TBCA: variants seen among roughly 807,000 people sequenced by gnomAD.
TBCA encodes the protein tubulin folding cofactor A, also known as tubulin-specific chaperone A.
A neutral mutation model predicts 15.8 loss-of-function variants in TBCA; 6 were observed. The ratio of observed to expected loss-of-function variants is 0.38; its 90% CI spans 0.21 to 0.75. The LOEUF (loss-of-function observed/expected upper bound fraction) is 0.75, where lower values mean the gene tolerates loss of function less well. TBCA is among the 30% of genes least tolerant of loss of function. The pLI is 0.46. For synonymous variants in TBCA, 32 were observed against 42.3 expected (o/e 0.76, Z 0.94); for missense variants, 90 against 131.2 (o/e 0.69, Z 1.53).
chr5:77,716,501 A>G (rs995011616), intron 1 of TBCA, among the ~76,000 whole-genome samples: 1 of 152,192 alleles, frequency 6.6e-6, no homozygotes, highest in African/African-American at 2.4e-5. Flanking sequence ...CAACAAACTG[A>G]CCACTTACTA....
intron 2 of TBCA, among the ~76,000 whole-genome samples, chr5:77,705,371 T>A (rs34212423): frequency 0.012 from 1,808 of 152,282 alleles, 18 homozygotes; most frequent in Non-Finnish European, 0.02. Context: ...AGGACCTGGA[T>A]GAAATAAAGT....
intron 1 of TBCA, among the ~76,000 whole-genome samples, chr5:77,755,768 G>A (rs563909102): frequency 6.6e-6 from 1 of 152,032 alleles, no homozygotes; most frequent in African/African-American, 2.4e-5. Context: ...ACTTTGGGAG[G>A]CCAAGGAGGG....
chr5:77,742,705 TG>T (rs1345956437), intron 1 of TBCA, among the ~76,000 whole-genome samples: 3 of 152,222 alleles, frequency 2.0e-5, no homozygotes, highest in South Asian at 4.1e-4. Flanking sequence ...GCTGTGAAGA[TG>T]GTATTCAAGA....
intron 1 of TBCA, among the ~76,000 whole-genome samples, chr5:77,765,881 CAAAAAA>C (rs70997944): frequency 5.4e-5 from 7 of 130,406 alleles, no homozygotes; most frequent in Admixed American, 2.3e-4. Flanking sequence ...AAACTAGGGC[CAAAAAA>C]AAAAAAAAAA....
At chr5:77,751,237 C>A (rs1747330388) in intron 1 of TBCA, among the ~76,000 whole-genome samples, 1 of 148,276 alleles carries the variant, frequency 6.7e-6, no homozygotes, top group African/African-American at 2.5e-5. Context: ...TCTCAGCTCA[C>A]TGCAACCTCC....
intron 1 of TBCA, among the ~76,000 whole-genome samples, chr5:77,770,365 A>G (rs73765206): frequency 0.18 from 27,769 of 152,172 alleles, 2,837 homozygotes; most frequent in African/African-American, 0.27. Flanking sequence ...TACAACATAC[A>G]ACTCACAGTT....
chr5:77,753,069 T>C (rs1580129204), intron 1 of TBCA, among the ~76,000 whole-genome samples: 1 of 152,342 alleles, frequency 6.6e-6, no homozygotes, highest in East Asian at 1.9e-4. Context: ...CCTTGTGTTT[T>C]ATAAACTTCA....
At chr5:77,705,237 C>A (rs1746122518) in intron 2 of TBCA, among the ~76,000 whole-genome samples, 1 of 151,990 alleles carries the variant, frequency 6.6e-6, no homozygotes, top group South Asian at 2.1e-4. Context: ...ACTGATAACT[C>A]CTATTTTAGC....
Position 77,759,213 on chromosome 5 carries a change from T to C in TBCA, c.53+16992A>G, listed in dbSNP as rs140854847. Among the ~76,000 whole-genome samples, 13 of 152,290 alleles carry C rather than the reference T, an allele frequency of 8.5e-5. No individual in the cohort carries two copies. The East Asian group carries it at 1.9e-3, about 23-fold the overall frequency. On this transcript the variant is annotated intron_variant, in intron 1 of 3. Transcript: ENST00000380377. Reference sequence around the variant, plus strand: ...AAAGAGCGGGGACGCTTCCAGGTCATAGGTAGATTTAAACATATTCTGATT... The same window carrying C: ...AAAGAGCGGGGACGCTTCCAGGTCACAGGTAGATTTAAACATATTCTGATT...
intron 1 of TBCA, among the ~76,000 whole-genome samples, chr5:77,766,375 T>C (rs1365406411): frequency 6.6e-6 from 1 of 152,166 alleles, no homozygotes; most frequent in Non-Finnish European, 1.5e-5. Context: ...TGATATATTT[T>C]CATATCTTTT....
intron 2 of TBCA, among the ~76,000 whole-genome samples, chr5:77,701,000 G>A (rs1030283638): frequency 6.6e-6 from 1 of 152,064 alleles, no homozygotes; most frequent in African/African-American, 2.4e-5. Context: ...TCTAGACATT[G>A]GCTTAGGCAA....
intron 1 of TBCA, among the ~76,000 whole-genome samples, chr5:77,756,001 A>G (rs537724442): frequency 6.6e-6 from 1 of 152,136 alleles, no homozygotes; most frequent in Non-Finnish European, 1.5e-5. Flanking sequence ...GCGAAACTTT[A>G]TCTCAAAAAA....
In TBCA at chr5:77,691,431, T is replaced by C; in HGVS notation, c.314A>G (p.Lys105Arg). The C allele has an allele frequency of 6.3e-7, 1 of 1,596,650 alleles. No individual in the cohort carries two copies. Among genetic ancestry groups the C allele is most frequent in the Non-Finnish European group, 8.5e-7 (1 of 1,175,930 alleles). ...KEARLVLDSVKLEA is the reference protein window; with the variant it reads ...KEARLVLDSVRLEA Reference sequence around the variant, plus strand: ...ACGAGAAAAGTTTCAGGCTTCTAACTTCACTGAATCCAGTACTAAACGTGC... The same window carrying C: ...ACGAGAAAAGTTTCAGGCTTCTAACCTCACTGAATCCAGTACTAAACGTGC... Residue 105 changes from lysine (K) to arginine (R), a missense_variant, in exon 4 of 4, where the codon AAG becomes AGG. Physicochemically the swap from Lys to Arg is conservative, Grantham distance 26. Transcript: ENST00000380377.
At chr5:77,733,523 A>G (rs1390080508) in intron 1 of TBCA, among the ~76,000 whole-genome samples, 2 of 152,256 alleles carry the variant, frequency 1.3e-5, no homozygotes, top group African/African-American at 4.8e-5. Flanking sequence ...ACCAGCCACA[A>G]CATTGCCTTA....
chr5:77,705,946 A>T (rs1746140647), intron 2 of TBCA, among the ~76,000 whole-genome samples: 1 of 152,208 alleles, frequency 6.6e-6, no homozygotes, highest in Non-Finnish European at 1.5e-5. Flanking sequence ...TTATACACAC[A>T]GTGCTGTATC....
Position 77,776,197 on chromosome 5 carries a change from C to T in TBCA, c.53+8G>A. On this transcript the variant is annotated splice_region_variant and intron_variant, in intron 1 of 3. Transcript: ENST00000380377. ...AGGAGGTGCAGGGCGCCGCTCCCGGCTCCTTACCGCTTCACCACGCCGGTC... is the reference window on the plus strand; with the variant it reads ...AGGAGGTGCAGGGCGCCGCTCCCGGTTCCTTACCGCTTCACCACGCCGGTC... The T allele has an allele frequency of 6.4e-7, 1 of 1,561,772 alleles. No individual in the cohort carries two copies. Among genetic ancestry groups the T allele is most frequent in the Non-Finnish European group, 8.7e-7 (1 of 1,154,030 alleles).
intron 1 of TBCA, among the ~76,000 whole-genome samples, chr5:77,750,635 G>C (rs935032380): frequency 2.0e-5 from 3 of 152,276 alleles, no homozygotes; most frequent in African/African-American, 7.2e-5. Context: ...GAAAAAAATA[G>C]TAAGAGGCAC....
At chr5:77,756,025 A>C (rs539948695) in intron 1 of TBCA, among the ~76,000 whole-genome samples, 123 of 152,210 alleles carry the variant, frequency 8.1e-4, no homozygotes, top group African/African-American at 2.7e-3. Context: ...CAACAACAAA[A>C]AAAAAAACAC....
chr5:77,746,934 T>C (rs748808023), intron 1 of TBCA, among the ~76,000 whole-genome samples: 1 of 152,066 alleles, frequency 6.6e-6, no homozygotes, highest in Non-Finnish European at 1.5e-5. Context: ...TAGCTTTATA[T>C]TTGAAATTAC....
Sources: allele counts gnomAD v4.1 joint callset (sites outside exome capture counted in the v4.1 genomes callset), GRCh38; gene constraint gnomAD v4.1.1; transcripts MANE v1.5; gene names NCBI Gene and HGNC (gene_info 2026-07-23, HGNC 2026-07-21).